The following TOX variants were observed in gnomAD, a reference collection of about 807,000 sequenced individuals.
The protein encoded by TOX is thymocyte selection-associated high mobility group box protein TOX.
TOX carries 11 observed loss-of-function variants against 53.7 expected under a neutral mutation model. The ratio of observed to expected loss-of-function variants is 0.20; its 90% CI spans 0.13 to 0.34. The LOEUF (loss-of-function observed/expected upper bound fraction) is 0.34, where lower values mean the gene tolerates loss of function less well. Ranked by LOEUF, TOX falls within the 10% of genes least tolerant of loss-of-function variation. The pLI is 1.00. For synonymous variants in TOX, 225 were observed against 245.3 expected (o/e 0.92, Z 0.77); for missense variants, 570 against 664.6 (o/e 0.86, Z 1.56).
At chr8:58,901,903 G>T (rs13261062) in intron 3 of TOX, among the ~76,000 whole-genome samples, 1 of 152,108 alleles carries the variant, frequency 6.6e-6, no homozygotes, top group Non-Finnish European at 1.5e-5. Context: ...AGTGACATTC[G>T]TGTGTCCAAG....
chr8:58,943,969 A>T (rs983049948), intron 2 of TOX, among the ~76,000 whole-genome samples: 1 of 152,246 alleles, frequency 6.6e-6, no homozygotes, highest in African/African-American at 2.4e-5. Flanking sequence ...AACTCAAGGT[A>T]AATTGGAAAC....
intron 3 of TOX, among the ~76,000 whole-genome samples, chr8:58,865,366 T>C (rs1811079010): frequency 6.6e-6 from 1 of 152,182 alleles, no homozygotes; most frequent in African/African-American, 2.4e-5. Context: ...TTTGGTAAAA[T>C]GTCCAAATAT....
chr8:59,058,544 A>C (rs1303786995), intron 1 of TOX, among the ~76,000 whole-genome samples: 1 of 152,192 alleles, frequency 6.6e-6, no homozygotes, highest in Non-Finnish European at 1.5e-5. Flanking sequence ...AAGTTCCGGA[A>C]GAAGGCAAGC....
chr8:59,119,097 G>T lies in TOX; in HGVS notation c.-110C>A. On this transcript the variant is annotated 5_prime_UTR_variant, in exon 1 of 9. Coordinates refer to ENST00000361421, the MANE Select transcript of TOX (RefSeq NM_014729.3). ...GAGGTGTCTGGGCTCAGGAGTAAAA[G>T]AAACACCTTCCTTCCCTCACATCCG... is the stretch of plus-strand genomic sequence containing the variant. The T allele has an allele frequency of 1.7e-6, 1 of 574,662 alleles. No individual in the cohort carries two copies. Among genetic ancestry groups the T allele is most frequent in the Non-Finnish European group, 3.0e-6 (1 of 331,820 alleles). 35.6% of individuals were successfully genotyped at this position (574,662 alleles called of 1,614,324 possible).
At chr8:59,052,838 A>G (rs113442265) in intron 1 of TOX, among the ~76,000 whole-genome samples, 1,754 of 152,312 alleles carry the variant, frequency 0.012, 40 homozygotes, top group African/African-American at 0.04. Context: ...CAAAGTTCTT[A>G]GAAAAAAACC....
At chr8:59,013,510 A>C (rs182858300) in intron 1 of TOX, among the ~76,000 whole-genome samples, 76 of 151,784 alleles carry the variant, frequency 5.0e-4, no homozygotes, top group Non-Finnish European at 1.0e-3. Context: ...TCCCAAGTTC[A>C]AACAATTCTC....
chr8:59,006,049 T>C (rs1180759746), intron 1 of TOX, among the ~76,000 whole-genome samples: 3 of 152,248 alleles, frequency 2.0e-5, no homozygotes, highest in African/African-American at 7.2e-5. Context: ...TGCCACATGC[T>C]CTTGCTTAAG....
chr8:58,963,314 T>TATATATATATAGATAGATAG (rs71557744), intron 1 of TOX, among the ~76,000 whole-genome samples: 11 of 130,648 alleles, frequency 8.4e-5, no homozygotes, highest in African/African-American at 3.0e-4. Flanking sequence ...TAGATATATA[T>TATATATATATAGATAGATAG]ATAGATAGAT....
At chr8:58,929,731 C>T (rs1444135039) in intron 3 of TOX, among the ~76,000 whole-genome samples, 1 of 151,992 alleles carries the variant, frequency 6.6e-6, no homozygotes, top group Non-Finnish European at 1.5e-5. Context: ...AAGTCAAAGA[C>T]ATGGCAAGCT....
chr8:58,994,592 C>T (rs1813524956), intron 1 of TOX, among the ~76,000 whole-genome samples: 1 of 152,024 alleles, frequency 6.6e-6, no homozygotes, highest in Non-Finnish European at 1.5e-5. Context: ...AGTTCTATGA[C>T]AGAATTGTGT....
chr8:59,048,700 G>T (rs932124527), intron 1 of TOX, among the ~76,000 whole-genome samples: 54 of 151,950 alleles, frequency 3.6e-4, no homozygotes, highest in African/African-American at 1.3e-3. Flanking sequence ...ATTTTTGTGG[G>T]TGCACAGGAG....
At chr8:59,026,559 A>T (rs1411802630) in intron 1 of TOX, among the ~76,000 whole-genome samples, 1 of 152,180 alleles carries the variant, frequency 6.6e-6, no homozygotes, top group Admixed American at 6.5e-5. Flanking sequence ...TAGCAATCTG[A>T]ATTTGGATAA....
chr8:59,094,962 AAAT>A (rs1804690059), intron 1 of TOX, among the ~76,000 whole-genome samples: 2 of 152,216 alleles, frequency 1.3e-5, no homozygotes, highest in African/African-American at 4.8e-5. Context: ...CTGGATCCAA[AAAT>A]AATGATATAA....
intron 1 of TOX, among the ~76,000 whole-genome samples, chr8:58,974,299 C>A (rs1435669900): frequency 6.6e-6 from 1 of 152,122 alleles, no homozygotes; most frequent in Non-Finnish European, 1.5e-5. Flanking sequence ...GTCAACAGTG[C>A]TGCTGTTGAG....
intron 1 of TOX, among the ~76,000 whole-genome samples, chr8:59,106,226 T>C (rs1241257035): frequency 6.7e-6 from 1 of 149,410 alleles, no homozygotes. Context: ...TTTCTCAAGA[T>C]TGCAAGTTAT....
At chr8:58,931,757 A>G (rs1284042437) in intron 3 of TOX, among the ~76,000 whole-genome samples, 3 of 152,204 alleles carry the variant, frequency 2.0e-5, no homozygotes, top group Non-Finnish European at 4.4e-5. Context: ...TGCTTATAGC[A>G]TATTATATAA....
intron 3 of TOX, among the ~76,000 whole-genome samples, chr8:58,914,749 G>A (rs1003793158): frequency 7.5e-6 from 1 of 133,798 alleles, no homozygotes; most frequent in South Asian, 2.3e-4. Flanking sequence ...CAGCGTGAGC[G>A]ACGCAGAAGA....
At chr8:59,018,934 T>C (rs767469364) in intron 1 of TOX, among the ~76,000 whole-genome samples, 17 of 152,200 alleles carry the variant, frequency 1.1e-4, no homozygotes, top group Non-Finnish European at 2.1e-4. Flanking sequence ...TTCTCAATGA[T>C]TTAACTTGCC....
rs1291140617 is a variant in TOX at position 59,029,203 on chromosome 8, G to A, written c.103-69195C>T. On this transcript the variant is annotated intron_variant, in intron 1 of 8. Coordinates refer to ENST00000361421, the MANE Select transcript of TOX (RefSeq NM_014729.3). ...CTCATTTATTCATTTTTAGTTAGAT[G>A]GAATATAGATATAGTCCCCACCCAC... 3.9e-5 allele frequency among the ~76,000 whole-genome samples: 6 copies of A among 152,056 alleles called. No homozygotes were observed. In the East Asian group the frequency reaches 1.2e-3, roughly 29 times the overall value.
Sources: gnomAD v4.1 joint callset for allele counts (sites outside exome capture counted in the v4.1 genomes callset) on GRCh38, gnomAD v4.1.1 for gene constraint, MANE v1.5 for transcripts, NCBI Gene and HGNC (gene_info 2026-07-23, HGNC 2026-07-21) for gene names.